GTF2I: variants seen among roughly 807,000 people sequenced by gnomAD.
GTF2I encodes the protein general transcription factor II-I.
Under a neutral mutation model 67.6 loss-of-function variants are expected in GTF2I, and 12 were observed. The observed-to-expected ratio is 0.18, with a 90% CI of 0.11 to 0.29. GTF2I has a LOEUF of 0.29. GTF2I is among the 10% of genes least tolerant of loss of function. GTF2I has a pLI of 1.00. For synonymous variants in GTF2I, 149 were observed against 197.0 expected (o/e 0.76, Z 2.04); for missense variants, 271 against 580.1 (o/e 0.47, Z 5.47).
rs145785772 is a variant in GTF2I, at chr7:74,678,456, G to T, written c.-5-10668G>T. ...ATTTTTGCAGTCTTGAGTTTATCTC[G>T]CCTTCCTTAAGTAAAGGTGCAGTGT... On this transcript the variant is annotated intron_variant, in intron 1 of 34. Coordinates refer to ENST00000573035, the MANE Select transcript of GTF2I (RefSeq NM_032999.4). 6.3e-3 allele frequency among the ~76,000 whole-genome samples: 953 copies of T among 152,076 alleles called. 13 individuals are homozygous for T. Among genetic ancestry groups the T allele is most frequent in the African/African-American group, 0.022 (904 of 41,478 alleles).
chr7:74,678,193 T>TACAG (rs1201035770), intron 1 of GTF2I, among the ~76,000 whole-genome samples: 11 of 151,174 alleles, frequency 7.3e-5, no homozygotes, highest in African/African-American at 2.4e-4. Context: ...GCGCTGGGAT[T>TACAG]ACAGGTGTGA....
intron 3 of GTF2I, among the ~76,000 whole-genome samples, chr7:74,694,737 A>T (rs1447243645): frequency 6.6e-6 from 1 of 152,224 alleles, no homozygotes; most frequent in African/African-American, 2.4e-5. Flanking sequence ...TTTTCAACGT[A>T]GACAAAACAG....
Position 74,723,610 on chromosome 7 carries a change from A to G in GTF2I, c.943+4669A>G, listed in dbSNP as rs185523316. On this transcript the variant is annotated intron_variant, in intron 12 of 34. Coordinates refer to ENST00000573035, the MANE Select transcript of GTF2I (RefSeq NM_032999.4). ...CATGTCCAGCCAATATTTTACTTTT[A>G]GTACAGACAGGGGTTTCACCATGTT... Among the ~76,000 whole-genome samples, 11 of 149,722 alleles carry G rather than the reference A, an allele frequency of 7.3e-5. No individual in the cohort carries two copies. In the East Asian group the frequency reaches 2.2e-3, roughly 30 times the overall value.
At chr7:74,721,217 T>A (rs1333136409) in intron 12 of GTF2I, among the ~76,000 whole-genome samples, 2 of 152,190 alleles carry the variant, frequency 1.3e-5, no homozygotes, top group African/African-American at 4.8e-5. Context: ...AATTTTGTAT[T>A]TTTAATAGAG....
intron 1 of GTF2I, among the ~76,000 whole-genome samples, chr7:74,665,424 G>A (rs782124276): frequency 2.6e-5 from 4 of 151,752 alleles, no homozygotes; most frequent in African/African-American, 7.3e-5. Context: ...GCTAATTTTT[G>A]TATTTTTAGC....
Position 74,680,141 on chromosome 7 carries a change from T to C in GTF2I, c.-5-8983T>C, listed in dbSNP as rs1029963705. 1.4e-3 allele frequency among the ~76,000 whole-genome samples: 188 copies of C among 134,506 alleles called. 1 individual carries two copies. The highest frequency in any genetic ancestry group is 4.5e-3 in the African/African-American group (165 of 36,466). 88.2% of individuals were successfully genotyped at this position (134,506 alleles called of 152,430 possible). On this transcript the variant is annotated intron_variant, in intron 1 of 34. Coordinates refer to ENST00000573035, the MANE Select transcript of GTF2I (RefSeq NM_032999.4). ...ATGTATGTATGTATGTATATACACA[T>C]ATATATATGTATGTATATACACACA...
chr7:74,699,618 C>T (rs1459453911), intron 4 of GTF2I: 2 of 152,878 alleles, frequency 1.3e-5, no homozygotes, highest in Non-Finnish European at 2.9e-5. Context: ...TTCTAATAAG[C>T]ATGCTCATCT....
In GTF2I at chr7:74,732,480, T is replaced by C. The variant is rs1554406964; in HGVS notation, c.1122T>C (p.Ala374=). Residue 374 remains alanine, a splice_region_variant and synonymous_variant, in exon 15 of 35, where the codon GCT becomes GCC. Transcript: ENST00000573035. ...CTCTTTCTCTTTTTGTCCTTATAGC[T>C]CAAGCCATAAAAGCCAAAGGTCCGG... ...QVEELFERKY[A]QAIKAKGPVT... 6.5e-7 allele frequency: 1 copy of C among 1,549,062 alleles called. No individual in the cohort carries two copies. Among genetic ancestry groups the C allele is most frequent in the Admixed American group, 2.2e-5 (1 of 44,966 alleles).
intron 1 of GTF2I, among the ~76,000 whole-genome samples, chr7:74,659,417 T>C (rs1361695254): frequency 6.7e-6 from 1 of 149,464 alleles, no homozygotes; most frequent in Non-Finnish European, 1.5e-5. Context: ...TGAGATGGAG[T>C]CTCACTCTGT....
intron 3 of GTF2I, 144 bp downstream of exon 3, chr7:74,691,255 G>T (rs1179417954): frequency 9.9e-6 from 6 of 603,754 alleles, no homozygotes. Context: ...TGCCTAGGCT[G>T]GAGTGCAGTG....
At chr7:74,678,684 A>G (rs1554393156) in intron 1 of GTF2I, among the ~76,000 whole-genome samples, 1 of 152,166 alleles carries the variant, frequency 6.6e-6, no homozygotes, top group Non-Finnish European at 1.5e-5. Context: ...TTCATTGTTA[A>G]AGGAGATAGT....
intron 12 of GTF2I, among the ~76,000 whole-genome samples, chr7:74,723,241 G>A (rs1463253499): frequency 3.4e-5 from 5 of 149,012 alleles, no homozygotes; most frequent in African/African-American, 7.4e-5. Flanking sequence ...CTCTGCCTCA[G>A]CCTTCCTCCG....
intron 6 of GTF2I, among the ~76,000 whole-genome samples, chr7:74,704,096 G>A (rs1790228181): frequency 6.6e-6 from 1 of 151,998 alleles, no homozygotes; most frequent in African/African-American, 2.4e-5. Flanking sequence ...ACACAGCATT[G>A]GTGATAGCAG....
In GTF2I at chr7:74,732,516, G is replaced by C; in HGVS notation, c.1158G>C (p.Pro386=). 11 of 1,600,804 alleles carry C rather than the reference G, an allele frequency of 6.9e-6. No homozygotes were observed. Among genetic ancestry groups the C allele is most frequent in the Non-Finnish European group, 9.4e-6 (11 of 1,175,862 alleles). ...AIKAKGPVTI[P]YPLFQSHVED... ...AAGCCAAAGGTCCGGTGACGATCCCGTACCCTCTTTTCCAGTCTCATGTTG... is the reference window on the plus strand; with the variant it reads ...AAGCCAAAGGTCCGGTGACGATCCCCTACCCTCTTTTCCAGTCTCATGTTG... Residue 386 remains proline (P), a synonymous_variant, in exon 15 of 35, where the codon CCG becomes CCC. Coordinates refer to ENST00000573035, the MANE Select transcript of GTF2I (RefSeq NM_032999.4).
At chr7:74,723,081 C>A (rs201792427) in intron 12 of GTF2I, among the ~76,000 whole-genome samples, 1 of 151,564 alleles carries the variant, frequency 6.6e-6, no homozygotes, top group Non-Finnish European at 1.5e-5. Flanking sequence ...CATTTAATCC[C>A]TCCACAAATA....
At chr7:74,668,637 G>C (rs1431779769) in intron 1 of GTF2I, among the ~76,000 whole-genome samples, 1 of 151,690 alleles carries the variant, frequency 6.6e-6, no homozygotes, top group Non-Finnish European at 1.5e-5. Context: ...GCAGTGGCAT[G>C]ATCTTGGCTC....
At chr7:74,684,095 C>T (rs906377585) in intron 1 of GTF2I, among the ~76,000 whole-genome samples, 5 of 152,162 alleles carry the variant, frequency 3.3e-5, no homozygotes, top group Non-Finnish European at 5.9e-5. Context: ...ATGGGCCTGG[C>T]TCAGGTGGCT....
At position 74,749,980 on chromosome 7, in the gene GTF2I, G is replaced by A. The variant is rs1795702474; in HGVS notation, c.2420+529G>A. Among the ~76,000 whole-genome samples, 20 of 136,216 alleles carry A rather than the reference G, an allele frequency of 1.5e-4. No homozygotes were observed. The South Asian group carries it at 4.6e-3, about 31-fold the overall frequency. 89.4% of individuals were successfully genotyped at this position (136,216 alleles called of 152,430 possible). A position where few individuals can be genotyped will look rare whatever the true frequency, so the allele number is the denominator to read the frequency against. The stretch of plus-strand genomic sequence containing the variant: ...GACTCCACCATACTAGAGAGATAAC[G>A]ACTTTTGGTTGCTAAATCTACACAG... On this transcript the variant is annotated intron_variant, in intron 26 of 34. Coordinates refer to ENST00000573035, the MANE Select transcript of GTF2I (RefSeq NM_032999.4).
intron 1 of GTF2I, among the ~76,000 whole-genome samples, chr7:74,671,833 A>G (rs1258587974): frequency 6.6e-6 from 1 of 151,514 alleles, no homozygotes; most frequent in Non-Finnish European, 1.5e-5. Context: ...AAATCAAAAA[A>G]ATTAGCCGGG....
Sources: allele counts gnomAD v4.1 joint callset (sites outside exome capture counted in the v4.1 genomes callset), GRCh38; gene constraint gnomAD v4.1.1; transcripts MANE v1.5; gene names NCBI Gene and HGNC (gene_info 2026-07-23, HGNC 2026-07-21).